Variants in NEB observed in about 807,000 individuals in gnomAD.
The protein encoded by NEB is nemaline myopathy type 2.
A neutral mutation model predicts 952.2 loss-of-function variants in NEB; 512 were observed. The ratio of observed to expected loss-of-function variants is 0.54; its 90% CI spans 0.50 to 0.58. The LOEUF (loss-of-function observed/expected upper bound fraction) is 0.58. Ranked by LOEUF, NEB falls within the 20% of genes least tolerant of loss-of-function variation. The pLI is 0.00. For missense variants in NEB, 8,428 were observed against 9,231.1 expected, an observed-to-expected ratio of 0.91 and a Z score of 3.56; for synonymous variants, 2,900 against 3,149.8, an observed-to-expected ratio of 0.92 and a Z score of 2.66.
rs199730497 is a variant in NEB at position 151,540,383 on chromosome 2, G to A, written c.20853C>T (p.Ile6951=). 4.0e-4 allele frequency: 629 copies of A among 1,586,502 alleles called. No homozygotes were observed. Among genetic ancestry groups the A allele is most frequent in the Non-Finnish European group, 5.1e-4 (591 of 1,164,642 alleles). ...AGTAAGCCCTCTTGGCTCTGATGAG[G>A]ATTGGCGTATCTGGAACCGGAGTGT... is the stretch of plus-strand genomic sequence containing the variant. ...DKYTPVPDTP[I]LIRAKRAYWN... is the part of the protein sequence containing the mutation. Residue 6951 remains isoleucine, a synonymous_variant, in exon 138 of 182, where the codon ATC becomes ATT. Coordinates refer to ENST00000397345, the MANE Select transcript of NEB (RefSeq NM_001164508.2).
In NEB at chr2:151,496,941, C is replaced by T. The variant is rs527744844; in HGVS notation, c.24393G>A (p.Ser8131=). The T allele has an allele frequency of 8.9e-6, 14 of 1,569,314 alleles. No individual in the cohort carries two copies. The East Asian group carries it at 9.2e-5, about 10-fold the overall frequency. ...RVKHNQENIS[S]VLYKENMGKG... is the part of the protein sequence containing the mutation. ...TTTTTTTCTTTTCTTGCCCAAGTAC[C>T]GAGCTAATATTTTCTTGATTGTGTT... Residue 8131 remains serine, a splice_region_variant and synonymous_variant, in exon 172 of 182, where the codon TCG becomes TCA. Coordinates refer to ENST00000397345, the MANE Select transcript of NEB (RefSeq NM_001164508.2).
chr2:151,532,148 G>GT, intron 143 of NEB: 1 of 313,846 alleles, frequency 3.2e-6, no homozygotes, highest in South Asian at 4.1e-5. Flanking sequence ...CCAGGCTGGA[G>GT]TGCAGTGGTG....
chr2:151,609,928 T>C lies in NEB; in HGVS notation c.12211A>G (p.Lys4071Glu). 2 of 1,614,012 alleles carry C rather than the reference T, an allele frequency of 1.2e-6. No individual in the cohort carries two copies. Among genetic ancestry groups the C allele is most frequent in the East Asian group, 2.2e-5 (1 of 44,872 alleles). The change falls in exon 81 of 182, where the codon AAG becomes GAG. Residue 4071 changes from lysine to glutamate, a missense_variant. By Grantham distance (56) the Lys-to-Glu change is moderately conservative. Coordinates refer to ENST00000397345, the MANE Select transcript of NEB (RefSeq NM_001164508.2). ...TCAGTGACCAAAGTCTGACATTTCT[T>C]GGCCAGCAAGATGCTTAACATGTCC... ...PVDMLSILLA[K>E]KCQTLVTDID...
intron 76 of NEB, 93 bp downstream of exon 76, chr2:151,615,909 G>T: frequency 1.1e-6 from 1 of 916,390 alleles, no homozygotes. Flanking sequence ...GAGACTTATA[G>T]GGGTAACTAA....
chr2:151,551,418 T>C (rs111691555), intron 129 of NEB, among the ~76,000 whole-genome samples: 4,418 of 152,326 alleles, frequency 0.029, 86 homozygotes, highest in Non-Finnish European at 0.04. Flanking sequence ...TTCTAGTTCA[T>C]CTTTTATTGA....
At chr2:151,683,266 G>A (rs1271829700) in intron 28 of NEB, among the ~76,000 whole-genome samples, 1 of 152,158 alleles carries the variant, frequency 6.6e-6, no homozygotes, top group African/African-American at 2.4e-5. Context: ...GGTCAACTTT[G>A]GAGTGTTTCT....
At chr2:151,561,140 CT>C (rs759449736) in intron 122 of NEB, 32 bp from the exon 123 acceptor site, 125 of 1,565,956 alleles carry the variant, frequency 8.0e-5, no homozygotes, top group Admixed American at 4.5e-4. Context: ...TTATTCACCT[CT>C]GTTGTTAGAA....
Position 151,706,974 on chromosome 2 carries a change from T to G in NEB, c.1059A>C (p.Glu353Asp), listed in dbSNP as rs769162786. ...TATAATCTGCTTTTCCTTTATTCTT[T>G]TCATAGTCTTCTTTGTATTTTACCT... Reference protein sequence around the residue: ...ASKVKYKEDYEKNKGKADYNV... With the variant: ...ASKVKYKEDYDKNKGKADYNV... Residue 353 changes from glutamate to aspartate, a missense_variant, in exon 13 of 182, where the codon GAA (glutamate) becomes GAC (aspartate). Transcript: ENST00000397345. The G allele has an allele frequency of 3.2e-6, 5 of 1,586,800 alleles. No homozygotes were observed. In the African/African-American group the frequency reaches 6.7e-5, roughly 21 times the overall value.
At chr2:151,729,709 C>G in intron 3 of NEB, 53 bp from the exon 4 acceptor site, 1 of 1,575,392 alleles carries the variant, frequency 6.3e-7, no homozygotes. Context: ...GAAACCACCT[C>G]TCCTCTGCCT....
chr2:151,531,869 A>G lies in NEB; in HGVS notation c.21445T>C (p.Ser7149Pro). 1 of 1,606,374 alleles carries G rather than the reference A, an allele frequency of 6.2e-7. No individual in the cohort carries two copies. Among genetic ancestry groups the G allele is most frequent in the South Asian group, 1.1e-5 (1 of 90,160 alleles). Residue 7149 changes from serine (S) to proline (P), a missense_variant, in exon 144 of 182, where the codon TCA (serine) becomes CCA (proline). Ser to Pro is a moderately conservative substitution (Grantham distance 74, BLOSUM62 -1). This residue lies in a region of NEB where 3,374 missense variants were observed against 3,651.5 expected (regional missense o/e 0.92). Coordinates refer to ENST00000397345, the MANE Select transcript of NEB (RefSeq NM_001164508.2). ...QIKYRKNYEK[S>P]KDKFTSIVDT... ...ACAATTGAGGTAAATTTGTCCTTTG[A>G]TTTTTCATAGTTTTTCCTGTATTTG... is the stretch of plus-strand genomic sequence containing the variant.
intron 131 of NEB, 24 bp downstream of exon 131, chr2:151,548,280 GTCTC>G: frequency 6.5e-7 from 1 of 1,530,522 alleles, no homozygotes. Context: ...AACTCAATAT[GTCTC>G]TTGGAGAATC....
At chr2:151,630,092 C>G (rs2098632589) in intron 67 of NEB, among the ~76,000 whole-genome samples, 1 of 151,854 alleles carries the variant, frequency 6.6e-6, no homozygotes, top group Non-Finnish European at 1.5e-5. Context: ...GTATGACAAT[C>G]ATATTTTATA....
intron 135 of NEB, among the ~76,000 whole-genome samples, chr2:151,543,558 T>C (rs1161124894): frequency 6.6e-6 from 1 of 152,198 alleles, no homozygotes; most frequent in Admixed American, 6.5e-5. Context: ...GGTGCTAAAG[T>C]TGTGAATTAC....
rs1245384609 is a variant in NEB at position 151,639,809 on chromosome 2, G to T, written c.8889+48C>A. ...TCCTCATTAATGTTTCTTTTTTGTT[G>T]ATTCAGCTTTAGGAGCCCCACTTCG... On this transcript the variant is annotated intron_variant, in intron 62 of 181. Coordinates refer to ENST00000397345, the MANE Select transcript of NEB (RefSeq NM_001164508.2). The T allele has an allele frequency of 1.9e-5, 28 of 1,458,470 alleles. No homozygotes were observed. In the Admixed American group the frequency reaches 1.9e-4, roughly 10 times the overall value. The allele number at this position is 1,458,470 out of a possible 1,614,324, so 90.3% of individuals were successfully genotyped here. A position where few individuals can be genotyped will look rare whatever the true frequency, so the allele number is the denominator to read the frequency against.
At chr2:151,672,346 G>A (rs1238605975) in intron 37 of NEB, 23 bp downstream of exon 37, 8 of 1,550,796 alleles carry the variant, frequency 5.2e-6, no homozygotes, top group Non-Finnish European at 7.0e-6. Flanking sequence ...AACATCTCTG[G>A]GTCTGTTGTT....
intron 153 of NEB, 75 bp from the exon 154 acceptor site, chr2:151,519,843 A>C: frequency 1.0e-6 from 1 of 970,882 alleles, no homozygotes; most frequent in East Asian, 2.4e-5. Context: ...GTAGAAACAC[A>C]AATGCCAAAG....
chr2:151,507,895 T>A, intron 162 of NEB, 110 bp downstream of exon 162: 1 of 722,788 alleles, frequency 1.4e-6, no homozygotes, highest in South Asian at 1.6e-5. Flanking sequence ...AGGATGGGAG[T>A]TGTGGAGGGC....
At position 151,529,399 on chromosome 2, in the gene NEB, A is replaced by C. The variant is rs955680473; in HGVS notation, c.21631-85T>G. Reference sequence around the variant, plus strand: ...AAAAAACAAGAAATTAAATCCATGCATGACTATAGTACACAATGCTCCTTA... The same window carrying C: ...AAAAAACAAGAAATTAAATCCATGCCTGACTATAGTACACAATGCTCCTTA... On this transcript the variant is annotated intron_variant, in intron 145 of 181. Transcript: ENST00000397345. 17 of 872,924 alleles carry C rather than the reference A, an allele frequency of 1.9e-5. No homozygotes were observed. The African/African-American group carries it at 2.5e-4, about 13-fold the overall frequency. The allele number at this position is 872,924 out of a possible 1,614,324, so 54.1% of individuals were successfully genotyped here. A position where few individuals can be genotyped will look rare whatever the true frequency, so the allele number is the denominator to read the frequency against.
At position 151,548,380 on chromosome 2, in the gene NEB, T is replaced by C. The variant is rs1170597020; in HGVS notation, c.20085A>G (p.Ala6695=). Residue 6695 remains alanine (A), a synonymous_variant, in exon 131 of 182, where the codon GCA becomes GCG. Coordinates refer to ENST00000397345, the MANE Select transcript of NEB (RefSeq NM_001164508.2). The part of the protein sequence containing the change: ...KYKEAYEHTK[A]YGYTLGPKDV... ...CTTTGGGGCCAAGTGTATACCCATA[T>C]GCCTTGGTGTGTTCATAGGCTTCTT... 1.2e-6 allele frequency: 2 copies of C among 1,613,652 alleles called. No homozygotes were observed. The highest frequency in any genetic ancestry group is 1.7e-6 in the Non-Finnish European group (2 of 1,179,694).
Sources: allele counts gnomAD v4.1 joint callset (sites outside exome capture counted in the v4.1 genomes callset), GRCh38; gene constraint gnomAD v4.1.1; regional missense constraint gnomAD v4.1.1; transcripts MANE v1.5; gene names NCBI Gene and HGNC (gene_info 2026-07-23, HGNC 2026-07-21).